LAMA1: variants seen among roughly 807,000 people sequenced by gnomAD.
LAMA1 encodes laminin subunit alpha 1, also known as laminin subunit alpha-1.
Under a neutral mutation model 348.7 loss-of-function variants are expected in LAMA1, and 219 were observed. That is an observed-to-expected ratio of 0.63 (90% CI 0.56 to 0.70). The LOEUF is 0.70. Among genes scored for constraint, LAMA1 ranks in the 30% least tolerant of loss-of-function variants. LAMA1 has a pLI of 0.00. For synonymous variants in LAMA1, 1,487 were observed against 1,491.0 expected, an observed-to-expected ratio of 1.00 and a Z score of 0.06; for missense variants, 3,744 against 3,888.0, an observed-to-expected ratio of 0.96 and a Z score of 0.99.
At chr18:6,974,852 T>C (rs762580864) in intron 46 of LAMA1, 51 bp downstream of exon 46, 3 of 1,608,938 alleles carry the variant, frequency 1.9e-6, no homozygotes, top group South Asian at 1.1e-5. Flanking sequence ...TAATTACTTA[T>C]GAGACACACT....
intron 35 of LAMA1, among the ~76,000 whole-genome samples, chr18:6,993,172 C>A (rs2057766128): frequency 6.6e-6 from 1 of 152,076 alleles, no homozygotes; most frequent in South Asian, 2.1e-4. Context: ...ACTTTTTAAG[C>A]CCTTACACTA....
At chr18:7,001,022 G>C (rs1477865673) in intron 30 of LAMA1, among the ~76,000 whole-genome samples, 1 of 152,174 alleles carries the variant, frequency 6.6e-6, no homozygotes, top group Non-Finnish European at 1.5e-5. Context: ...GATTGCAGAA[G>C]TAAAATATTC....
Position 6,962,067 on chromosome 18 carries a change from G to A in LAMA1, c.7338-8C>T, listed in dbSNP as rs377116281. 1.1e-4 allele frequency: 177 copies of A among 1,594,250 alleles called. No homozygotes were observed. In the African/African-American group the frequency reaches 2.2e-3, roughly 20 times the overall value. ...TTGGTGGTGACACCTCTCCTGTAGG[G>A]AAGGGCATGAGAACAATCACAAAAT... On this transcript the variant is annotated splice_polypyrimidine_tract_variant and splice_region_variant and intron_variant, in intron 51 of 62. Transcript: ENST00000389658.
chr18:6,958,345 G>A (rs1437032754), intron 55 of LAMA1, 132 bp downstream of exon 55: 1 of 858,692 alleles, frequency 1.2e-6, no homozygotes, highest in African/African-American at 1.7e-5. Context: ...ATAGAACAAT[G>A]GGGTTCACTC....
Position 7,007,270 on chromosome 18 carries a change from C to G in LAMA1, c.4129G>C (p.Ala1377Pro), listed in dbSNP as rs149298173. The G allele has an allele frequency of 3.1e-6, 5 of 1,613,756 alleles. No homozygotes were observed. Among genetic ancestry groups the G allele is most frequent in the Non-Finnish European group, 4.2e-6 (5 of 1,179,900 alleles). Residue 1377 changes from alanine (A) to proline (P), a missense_variant, in exon 29 of 63, where the codon GCC becomes CCC. By Grantham distance (27) the Ala-to-Pro change is conservative. Around this residue, in one of 3 missense-constraint regions of LAMA1, gnomAD observed 1,983 missense variants for 1,934.3 expected, o/e 1.03. Coordinates refer to ENST00000389658, the MANE Select transcript of LAMA1 (RefSeq NM_005559.4). ...AGCTTCCCTCTGTGGTACCCAGGGG[C>G]GCAGTCCTGAGGGGGTGCAAAAGGG... Reference protein sequence around the residue: ...GTVGFSCQDCAPGYHRGKLPA... With the variant: ...GTVGFSCQDCPPGYHRGKLPA...
chr18:6,973,905 G>T (rs560001091), intron 46 of LAMA1, among the ~76,000 whole-genome samples: 1 of 152,116 alleles, frequency 6.6e-6, no homozygotes, highest in Non-Finnish European at 1.5e-5. Context: ...TGAACCTCCC[G>T]AGTGGCTAGG....
intron 12 of LAMA1, 74 bp from the exon 13 acceptor site, chr18:7,036,162 C>A: frequency 9.8e-7 from 1 of 1,019,250 alleles, no homozygotes; most frequent in South Asian, 1.3e-5. Flanking sequence ...AGGAAGTGGT[C>A]ACTGGGATCC....
At chr18:6,957,232 C>T (rs1312538488) in intron 55 of LAMA1, 2 of 204,978 alleles carry the variant, frequency 9.8e-6, no homozygotes, top group African/African-American at 2.3e-5. Context: ...GTGTCCTGTG[C>T]CTGCGCACGT....
Position 6,977,819 on chromosome 18 carries a change from A to G in LAMA1, c.6253T>C (p.Leu2085=). The G allele has an allele frequency of 6.2e-7, 1 of 1,614,176 alleles. No homozygotes were observed. The highest frequency in any genetic ancestry group is 8.5e-7 in the Non-Finnish European group (1 of 1,180,038). Residue 2085 remains leucine, a synonymous_variant, in exon 44 of 63, where the codon TTG becomes CTG. Coordinates refer to ENST00000389658, the MANE Select transcript of LAMA1 (RefSeq NM_005559.4). ...EIQANLLFDR[L]KPLKMLEENL... ...TCCTCTAACATCTTCAAAGGCTTCA[A>G]CCGATCAAACAAAAGGTTGGCTTGA...
At chr18:7,096,418 T>C (rs987020790) in intron 1 of LAMA1, among the ~76,000 whole-genome samples, 1 of 152,204 alleles carries the variant, frequency 6.6e-6, no homozygotes, top group Admixed American at 6.5e-5. Flanking sequence ...GGCTCACACC[T>C]ATAATCCCAG....
intron 3 of LAMA1, among the ~76,000 whole-genome samples, chr18:7,074,847 A>G (rs542182730): frequency 3.8e-5 from 4 of 105,460 alleles, no homozygotes; most frequent in Admixed American, 3.8e-4. Flanking sequence ...ATACATTACT[A>G]AAATAAACAG....
chr18:7,078,376 C>A (rs1055174154), intron 3 of LAMA1, among the ~76,000 whole-genome samples: 1 of 151,478 alleles, frequency 6.6e-6, no homozygotes, highest in East Asian at 2.0e-4. Flanking sequence ...CCGTGTTAGC[C>A]AGGATGGTCT....
chr18:7,012,538 C>A (rs2057866160), intron 23 of LAMA1, among the ~76,000 whole-genome samples: 1 of 149,564 alleles, frequency 6.7e-6, no homozygotes, highest in Non-Finnish European at 1.5e-5. Context: ...CAGAGTCTCG[C>A]TCTGTCACCC....
intron 3 of LAMA1, among the ~76,000 whole-genome samples, chr18:7,060,419 A>T (rs2058098040): frequency 6.6e-6 from 1 of 152,236 alleles, no homozygotes; most frequent in Admixed American, 6.5e-5. Context: ...GTCCTTGTCC[A>T]GTAACTTTTC....
Position 7,016,533 on chromosome 18 carries a change from A to T in LAMA1, c.2947T>A (p.Cys983Ser), listed in dbSNP as rs1600395634. 1.2e-6 allele frequency: 2 copies of T among 1,614,106 alleles called. No individual in the cohort carries two copies. Among genetic ancestry groups the T allele is most frequent in the Non-Finnish European group, 1.7e-6 (2 of 1,180,018 alleles). Residue 983 changes from cysteine (C) to serine (S), a missense_variant, in exon 21 of 63, where the codon TGT becomes AGT. Cys to Ser is a moderately radical substitution (Grantham distance 112, BLOSUM62 -1). Around this residue, in one of 3 missense-constraint regions of LAMA1, gnomAD observed 1,529 missense variants for 1,689.4 expected, o/e 0.91. Coordinates refer to ENST00000389658, the MANE Select transcript of LAMA1 (RefSeq NM_005559.4). ...PGVAGKRCDR[C>S]AHGFYAYQDG... ...TGGTAGGCGTAGAAGCCATGGGCAC[A>T]CCTGTCACACCTTTTCCCTGCCACA...
chr18:6,975,914 C>T (rs769680779), intron 45 of LAMA1, 23 bp downstream of exon 45: 3 of 1,613,850 alleles, frequency 1.9e-6, no homozygotes, highest in Admixed American at 1.7e-5. Context: ...TTCAGTGTCG[C>T]TTTCCAAAGG....
chr18:6,969,406 C>T (rs1266658743), intron 48 of LAMA1, among the ~76,000 whole-genome samples: 3 of 152,198 alleles, frequency 2.0e-5, no homozygotes, highest in Non-Finnish European at 4.4e-5. Flanking sequence ...CTCCCCAGGA[C>T]AGGGTTACCA....
Position 6,949,190 on chromosome 18 carries a change from C to T in LAMA1, c.8467G>A (p.Val2823Met). ...TCCAGCATGGTTCCATCTCCCACCA[C>T]AGTCACCATGGGAGACTCTCGGCCG... ...VDGRESPMVT[V>M]VGDGTMLDVE... is the part of the protein sequence containing the mutation. The change falls in exon 59 of 63, where the codon GTG becomes ATG. Residue 2823 changes from valine to methionine, a missense_variant. By Grantham distance (21) the Val-to-Met change is conservative (BLOSUM62 1). Coordinates refer to ENST00000389658, the MANE Select transcript of LAMA1 (RefSeq NM_005559.4). 1 of 1,614,120 alleles carries T rather than the reference C, an allele frequency of 6.2e-7. No homozygotes were observed. Among genetic ancestry groups the T allele is most frequent in the Non-Finnish European group, 8.5e-7 (1 of 1,179,938 alleles).
intron 3 of LAMA1, among the ~76,000 whole-genome samples, chr18:7,058,869 G>T (rs2058092280): frequency 6.6e-6 from 1 of 152,108 alleles, no homozygotes; most frequent in African/African-American, 2.4e-5. Context: ...AAAAACTGAA[G>T]GACTGTCTGT....
Sources: allele counts gnomAD v4.1 joint callset (sites outside exome capture counted in the v4.1 genomes callset), GRCh38; gene constraint gnomAD v4.1.1; regional missense constraint gnomAD v4.1.1; transcripts MANE v1.5; gene names NCBI Gene and HGNC (gene_info 2026-07-23, HGNC 2026-07-21).